CAMTA1: variants seen among roughly 807,000 people sequenced by gnomAD.
CAMTA1 encodes calmodulin binding transcription activator 1.
A neutral mutation model predicts 170.9 loss-of-function variants in CAMTA1; 27 were observed. The observed-to-expected ratio is 0.16, with a 90% CI of 0.12 to 0.22. The LOEUF (loss-of-function observed/expected upper bound fraction) is 0.22. Ranked by LOEUF, CAMTA1 falls within the 10% of genes least tolerant of loss-of-function variation. The pLI is 1.00. For missense variants in CAMTA1, 1,619 were observed against 2,217.2 expected, an observed-to-expected ratio of 0.73 and a Z score of 5.42; for synonymous variants, 833 against 891.5, an observed-to-expected ratio of 0.93 and a Z score of 1.17.
chr1:6,881,524 T>C (rs1671577602), intron 3 of CAMTA1, among the ~76,000 whole-genome samples: 1 of 149,738 alleles, frequency 6.7e-6, no homozygotes, highest in Non-Finnish European at 1.5e-5. Context: ...CCTGTGTTGC[T>C]GTGCAGAGCG....
At chr1:6,983,971 T>A (rs990358894) in intron 3 of CAMTA1, among the ~76,000 whole-genome samples, 1 of 133,046 alleles carries the variant, frequency 7.5e-6, no homozygotes, top group African/African-American at 2.9e-5. Context: ...GATAAATGGT[T>A]GGGTGGATGA....
At chr1:7,530,001 G>A (rs932189316) in intron 6 of CAMTA1, among the ~76,000 whole-genome samples, 4 of 152,166 alleles carry the variant, frequency 2.6e-5, no homozygotes, top group Non-Finnish European at 5.9e-5. Context: ...CCCTGCCACC[G>A]ACCAGGAGCT....
intron 6 of CAMTA1, among the ~76,000 whole-genome samples, chr1:7,628,348 G>A (rs1281162106): frequency 6.6e-6 from 1 of 152,256 alleles, no homozygotes; most frequent in Non-Finnish European, 1.5e-5. Context: ...GCCAGTCGAT[G>A]TGGCCCAAAG....
At chr1:7,535,901 G>A (rs1037026822) in intron 6 of CAMTA1, among the ~76,000 whole-genome samples, 2 of 152,168 alleles carry the variant, frequency 1.3e-5, no homozygotes, top group Admixed American at 1.3e-4. Context: ...GCCCACAGTG[G>A]GTGAGCTCCG....
intron 6 of CAMTA1, among the ~76,000 whole-genome samples, chr1:7,515,453 G>A (rs2094270861): frequency 6.6e-6 from 1 of 152,154 alleles, no homozygotes; most frequent in East Asian, 1.9e-4. Flanking sequence ...TTCCTCATGG[G>A]CTTATGTATG....
At chr1:7,492,562 C>A (rs1207733496) in intron 6 of CAMTA1, among the ~76,000 whole-genome samples, 1 of 151,882 alleles carries the variant, frequency 6.6e-6, no homozygotes, top group Non-Finnish European at 1.5e-5. Flanking sequence ...CACACACGCA[C>A]GCACATACAA....
intron 6 of CAMTA1, among the ~76,000 whole-genome samples, chr1:7,613,071 G>A (rs937009872): frequency 5.3e-5 from 8 of 152,112 alleles, no homozygotes; most frequent in East Asian, 3.9e-4. Flanking sequence ...TTTTATATCC[G>A]TACCCCAGGC....
intron 4 of CAMTA1, among the ~76,000 whole-genome samples, chr1:7,187,818 CA>C (rs1311203308): frequency 6.6e-6 from 1 of 152,172 alleles, no homozygotes; most frequent in Non-Finnish European, 1.5e-5. Context: ...TATTTGCATG[CA>C]GTTATTTTGA....
At chr1:6,936,514 G>T (rs1685330580) in intron 3 of CAMTA1, among the ~76,000 whole-genome samples, 1 of 152,098 alleles carries the variant, frequency 6.6e-6, no homozygotes. Context: ...GGGGTTGGGG[G>T]AGAGGGAGGC....
chr1:6,949,497 C>T (rs997767610), intron 3 of CAMTA1, among the ~76,000 whole-genome samples: 1 of 152,214 alleles, frequency 6.6e-6, no homozygotes, highest in Non-Finnish European at 1.5e-5. Flanking sequence ...CAATATTTTC[C>T]TCCAAGATCA....
Position 7,562,785 on chromosome 1 carries a change from T to A in CAMTA1, c.511-77615T>A, listed in dbSNP as rs2094976161. Among the ~76,000 whole-genome samples, 1 of 152,106 alleles carries A rather than the reference T, an allele frequency of 6.6e-6. No individual in the cohort carries two copies. The highest frequency in any genetic ancestry group is 1.5e-5 in the Non-Finnish European group (1 of 68,024). On this transcript the variant is annotated intron_variant, in intron 6 of 22. Coordinates refer to ENST00000303635, the MANE Select transcript of CAMTA1 (RefSeq NM_015215.4). This position sits in a 1 kb window ranked among gnomAD's most constrained non-coding sequence, Gnocchi z 4.8. ...AGCAGTAGCCCACCCCACTTCTTGTTCTCATGGTCCCCAGGACCCCCAAGC... is the reference window on the plus strand; with the variant it reads ...AGCAGTAGCCCACCCCACTTCTTGTACTCATGGTCCCCAGGACCCCCAAGC...
chr1:7,001,841 C>G (rs943925850), intron 3 of CAMTA1, among the ~76,000 whole-genome samples: 9 of 152,028 alleles, frequency 5.9e-5, no homozygotes, highest in African/African-American at 2.2e-4. Flanking sequence ...AAGCTAATGC[C>G]TTCTGCGTTT....
intron 5 of CAMTA1, among the ~76,000 whole-genome samples, chr1:7,385,308 G>C (rs1330680930): frequency 6.6e-6 from 1 of 152,042 alleles, no homozygotes; most frequent in Non-Finnish European, 1.5e-5. Flanking sequence ...CCAGGAGCCT[G>C]TTCACTATTA....
intron 11 of CAMTA1, among the ~76,000 whole-genome samples, chr1:7,684,275 G>A (rs1019812650): frequency 1.3e-5 from 2 of 152,356 alleles, no homozygotes; most frequent in East Asian, 1.9e-4. Flanking sequence ...CCCAGGATTG[G>A]CTTCCCTGCC....
intron 3 of CAMTA1, among the ~76,000 whole-genome samples, chr1:6,946,988 T>A (rs72638558): frequency 0.025 from 3,781 of 152,140 alleles, 73 homozygotes; most frequent in Middle Eastern, 0.041. Context: ...AATTTTTGTA[T>A]ACAGTGTGAG....
At chr1:7,688,595 G>C (rs917350528) in intron 11 of CAMTA1, among the ~76,000 whole-genome samples, 3 of 152,162 alleles carry the variant, frequency 2.0e-5, no homozygotes, top group Non-Finnish European at 4.4e-5. Context: ...CACAAGTGCT[G>C]GTTGGGGGCT....
intron 4 of CAMTA1, among the ~76,000 whole-genome samples, chr1:7,162,660 T>C (rs777338728): frequency 6.6e-6 from 1 of 152,250 alleles, no homozygotes; most frequent in Non-Finnish European, 1.5e-5. Context: ...TTTCTATGGC[T>C]GAGTAATATT....
chr1:6,982,192 T>C (rs748280189), intron 3 of CAMTA1, among the ~76,000 whole-genome samples: 8 of 152,194 alleles, frequency 5.3e-5, no homozygotes, highest in Non-Finnish European at 1.0e-4. Flanking sequence ...CTAGTTACAC[T>C]GTAAACCCAC....
chr1:7,180,755 A>C (rs762814097), intron 4 of CAMTA1, among the ~76,000 whole-genome samples: 5 of 152,122 alleles, frequency 3.3e-5, no homozygotes, highest in African/African-American at 4.8e-5. Context: ...CAAACGGTCC[A>C]TCTGTCTTGG....
Sources: allele counts gnomAD v4.1 joint callset (sites outside exome capture counted in the v4.1 genomes callset), GRCh38; gene constraint gnomAD v4.1.1; non-coding constraint Gnocchi (gnomAD v3.1); transcripts MANE v1.5; gene names NCBI Gene and HGNC (gene_info 2026-07-23, HGNC 2026-07-21).